LINGO2: variants seen among roughly 807,000 people sequenced by gnomAD.
LINGO2 encodes the protein leucine rich repeat and Ig domain containing 2.
A neutral mutation model predicts 30.6 loss-of-function variants in LINGO2; 14 were observed. The observed-to-expected ratio is 0.46, with a 90% confidence interval of 0.30 to 0.72. The LOEUF (loss-of-function observed/expected upper bound fraction) is 0.72, where lower values mean the gene tolerates loss of function less well. Among genes scored for constraint, LINGO2 ranks in the 30% least tolerant of loss-of-function variants. The pLI is 0.07. For missense variants in LINGO2, 729 were observed against 751.7 expected (o/e 0.97, Z 0.35); for synonymous variants, 317 against 288.5 (o/e 1.10, Z -1.00).
intron 4 of LINGO2, among the ~76,000 whole-genome samples, chr9:28,048,969 A>T (rs1403085051): frequency 1.3e-5 from 2 of 150,976 alleles, no homozygotes; most frequent in Non-Finnish European, 2.9e-5. Flanking sequence ...AAAAGGCAAA[A>T]AGTACTAATA....
chr9:28,118,714 T>C lies in LINGO2; in HGVS notation c.-86-106309A>G, dbSNP rs932308372. ...TCAATATTACTGTAAAATTAACTTATGCTTCATAAGTGCTAATTATTTGTG... is the reference window on the plus strand; with the variant it reads ...TCAATATTACTGTAAAATTAACTTACGCTTCATAAGTGCTAATTATTTGTG... On this transcript the variant is annotated intron_variant, in intron 4 of 5. Coordinates refer to ENST00000379992, the Ensembl canonical transcript of LINGO2. 2.6e-5 allele frequency among the ~76,000 whole-genome samples: 4 copies of C among 152,354 alleles called. No homozygotes were observed. In the East Asian group the frequency reaches 7.7e-4, roughly 29 times the overall value.
intron 1 of LINGO2, among the ~76,000 whole-genome samples, chr9:28,638,142 G>A (rs1412843701): frequency 6.6e-6 from 1 of 152,152 alleles, no homozygotes; most frequent in African/African-American, 2.4e-5. Context: ...TGCATATGTT[G>A]AACCAGCCTT....
the LINGO2 span, among the ~76,000 whole-genome samples, chr9:29,105,682 G>A: frequency 2.0e-5 from 3 of 152,136 alleles, no homozygotes; most frequent in African/African-American, 7.2e-5. Flanking sequence ...TGGTAGGCCT[G>A]ACCTAACGAA....
At chr9:28,468,919 C>T (rs543519899) in intron 2 of LINGO2, among the ~76,000 whole-genome samples, 45 of 152,008 alleles carry the variant, frequency 3.0e-4, no homozygotes, top group African/African-American at 9.9e-4. Flanking sequence ...TAGGGTAATA[C>T]GGTCCATCAA....
the LINGO2 span, among the ~76,000 whole-genome samples, chr9:28,712,705 G>C: frequency 6.6e-6 from 1 of 151,280 alleles, no homozygotes; most frequent in South Asian, 2.1e-4. Context: ...TTTTATTCAT[G>C]ATTAACTACA....
chr9:28,004,409 G>T (rs567594797), intron 5 of LINGO2, among the ~76,000 whole-genome samples: 38 of 152,194 alleles, frequency 2.5e-4, no homozygotes, highest in African/African-American at 8.4e-4. Context: ...AATAGTATAT[G>T]CTCAATAAAA....
At chr9:28,601,037 GC>G (rs1426587179) in intron 1 of LINGO2, among the ~76,000 whole-genome samples, 4 of 152,160 alleles carry the variant, frequency 2.6e-5, no homozygotes, top group African/African-American at 9.6e-5. Flanking sequence ...ATCCCTTGGA[GC>G]CTGTTGAGTT....
chr9:28,023,203 G>C (rs541991050), intron 4 of LINGO2, among the ~76,000 whole-genome samples: 1 of 152,020 alleles, frequency 6.6e-6, no homozygotes, highest in African/African-American at 2.4e-5. Context: ...CTTTTTTCTT[G>C]TTTTACTATA....
At chr9:28,076,070 G>A (rs1825613979) in intron 4 of LINGO2, among the ~76,000 whole-genome samples, 1 of 151,834 alleles carries the variant, frequency 6.6e-6, no homozygotes, top group African/African-American at 2.4e-5. Flanking sequence ...CATGCTATTT[G>A]TCTATTCCTG....
At chr9:28,824,132 G>C in the LINGO2 span, among the ~76,000 whole-genome samples, 1 of 152,076 alleles carries the variant, frequency 6.6e-6, no homozygotes, top group Non-Finnish European at 1.5e-5. Context: ...AAGGTGGTTT[G>C]TTTCACGGTA....
At chr9:28,475,954 G>A (rs919259912) in exon 2 of LINGO2, 1 of 152,502 alleles carries the variant, frequency 6.6e-6, no homozygotes, top group Admixed American at 6.5e-5. Context: ...TTGAATTGTT[G>A]GGCTCTTCAT....
chr9:28,608,097 T>C (rs1474745180), intron 1 of LINGO2, among the ~76,000 whole-genome samples: 2 of 151,908 alleles, frequency 1.3e-5, no homozygotes, highest in East Asian at 3.9e-4. Flanking sequence ...TACCAACTGC[T>C]GAAGTAATAC....
At chr9:28,792,782 G>C in the LINGO2 span, among the ~76,000 whole-genome samples, 1 of 152,118 alleles carries the variant, frequency 6.6e-6, no homozygotes, top group Non-Finnish European at 1.5e-5. Flanking sequence ...TGAAGATTTT[G>C]AGTGGCAGAA....
the LINGO2 span, among the ~76,000 whole-genome samples, chr9:29,081,560 TA>T: frequency 1.3e-5 from 2 of 152,082 alleles, no homozygotes; most frequent in African/African-American, 2.4e-5. Context: ...CTATTCAACA[TA>T]GTGTTGGAAG....
At chr9:27,974,759 T>C (rs2118818345) in intron 5 of LINGO2, among the ~76,000 whole-genome samples, 1 of 152,066 alleles carries the variant, frequency 6.6e-6, no homozygotes, top group Non-Finnish European at 1.5e-5. Flanking sequence ...ATTTCAGCCA[T>C]CACTAAGATG....
chr9:28,837,601 C>T, the LINGO2 span, among the ~76,000 whole-genome samples: 2 of 143,562 alleles, frequency 1.4e-5, no homozygotes, highest in Admixed American at 7.2e-5. Context: ...GAGCCAAGAT[C>T]GCGCCATTGC....
chr9:28,731,094 G>A, the LINGO2 span, among the ~76,000 whole-genome samples: 2 of 151,842 alleles, frequency 1.3e-5, no homozygotes, highest in African/African-American at 4.8e-5. Context: ...GGATTGAAGC[G>A]ATTCTCCTGC....
At chr9:28,639,465 G>T (rs1563884628) in intron 1 of LINGO2, among the ~76,000 whole-genome samples, 1 of 149,290 alleles carries the variant, frequency 6.7e-6, no homozygotes, top group Non-Finnish European at 1.5e-5. Flanking sequence ...AAGTCTCTTT[G>T]TAGGTCTCTA....
chr9:28,263,576 A>G (rs1822641003), intron 4 of LINGO2, among the ~76,000 whole-genome samples: 1 of 152,018 alleles, frequency 6.6e-6, no homozygotes, highest in African/African-American at 2.4e-5. Flanking sequence ...ATCCCCAAAT[A>G]TGAGATAGGT....
Sources: allele counts gnomAD v4.1 joint callset (sites outside exome capture counted in the v4.1 genomes callset), GRCh38; gene constraint gnomAD v4.1.1; transcripts MANE v1.5; gene names NCBI Gene and HGNC (gene_info 2026-07-23, HGNC 2026-07-21).